Variants in PHLDB2 observed in about 807,000 individuals in gnomAD.
PHLDB2 encodes the protein pleckstrin homology like domain family B member 2, also known as pleckstrin homology-like domain family B member 2.
A neutral mutation model predicts 123.6 loss-of-function variants in PHLDB2; 71 were observed. The observed-to-expected ratio is 0.57, with a 90% CI of 0.47 to 0.70. PHLDB2 has a LOEUF of 0.70. PHLDB2 is among the 30% of genes least tolerant of loss of function. PHLDB2 has a pLI of 0.00. For synonymous variants in PHLDB2, 547 were observed against 541.6 expected (o/e 1.01, Z -0.14); for missense variants, 1,446 against 1,519.5 (o/e 0.95, Z 0.80).
chr3:111,958,463 C>A (rs1422310980), intron 12 of PHLDB2, among the ~76,000 whole-genome samples: 1 of 152,140 alleles, frequency 6.6e-6, no homozygotes, highest in Admixed American at 6.5e-5. Context: ...ATTGTGTAAT[C>A]GTTAACTCAC....
At chr3:111,962,384 A>G (rs779152934) in intron 13 of PHLDB2, 72 bp downstream of exon 13, 55 of 1,470,514 alleles carry the variant, frequency 3.7e-5, no homozygotes, top group Non-Finnish European at 4.8e-5. Context: ...AAAGCCATCA[A>G]TTTGGGAACT....
intron 1 of PHLDB2, among the ~76,000 whole-genome samples, chr3:111,805,601 T>G (rs966262790): frequency 6.7e-6 from 1 of 149,336 alleles, no homozygotes; most frequent in Non-Finnish European, 1.5e-5. Context: ...TGCAACAACA[T>G]GGATGGGTCT....
At position 111,895,128 on chromosome 3, in the gene PHLDB2, AAGG is replaced by A. The variant is rs1357816430; in HGVS notation, c.1335+9718_1335+9720del. On this transcript the variant is annotated intron_variant, in intron 2 of 17. Coordinates refer to ENST00000431670, the MANE Select transcript of PHLDB2 (RefSeq NM_001134438.2). ...GAGAGATGGGCAGAAAAGCAGTGAG[AAGG>A]AAAAATTAGCATTTGGCAATAATCT... 2.0e-5 allele frequency among the ~76,000 whole-genome samples: 3 copies of A among 152,234 alleles called. No individual in the cohort carries two copies. In the East Asian group the frequency reaches 5.8e-4, roughly 29 times the overall value.
intron 17 of PHLDB2, among the ~76,000 whole-genome samples, chr3:111,974,071 C>G (rs995049210): frequency 6.6e-6 from 1 of 152,108 alleles, no homozygotes; most frequent in Non-Finnish European, 1.5e-5. Context: ...TGCCAGGGTT[C>G]TAAAAAGAAG....
At chr3:111,912,199 C>G (rs998320199) in intron 2 of PHLDB2, among the ~76,000 whole-genome samples, 1 of 152,112 alleles carries the variant, frequency 6.6e-6, no homozygotes, top group Non-Finnish European at 1.5e-5. Flanking sequence ...CTACCTCAAG[C>G]AATGCTGTCT....
At chr3:111,766,606 C>A (rs1178388749) in intron 1 of PHLDB2, among the ~76,000 whole-genome samples, 1 of 152,092 alleles carries the variant, frequency 6.6e-6, no homozygotes, top group African/African-American at 2.4e-5. Context: ...TAGAATATTC[C>A]AGCCTGGACA....
intron 1 of PHLDB2, among the ~76,000 whole-genome samples, chr3:111,797,808 C>T (rs1036036003): frequency 3.3e-5 from 5 of 152,082 alleles, no homozygotes; most frequent in African/African-American, 4.8e-5. Flanking sequence ...AGTGATTTGC[C>T]GAAAGCTACG....
intron 1 of PHLDB2, among the ~76,000 whole-genome samples, chr3:111,744,979 T>G (rs2059659829): frequency 6.6e-6 from 1 of 152,172 alleles, no homozygotes; most frequent in Admixed American, 6.6e-5. Flanking sequence ...GCAAACTAGC[T>G]CCATGGCTTT....
rs891052073 is a variant in PHLDB2, at chr3:111,948,832, T to C, written c.2488-100T>C. Reference sequence around the variant, plus strand: ...TGATAATACCACAGATATCTGGCTGTGCCGCTCTAAGCTAACTTCATTGTA... The same window carrying C: ...TGATAATACCACAGATATCTGGCTGCGCCGCTCTAAGCTAACTTCATTGTA... On this transcript the variant is annotated intron_variant, in intron 9 of 17. Coordinates refer to ENST00000431670, the MANE Select transcript of PHLDB2 (RefSeq NM_001134438.2). 7 of 1,106,624 alleles carry C rather than the reference T, an allele frequency of 6.3e-6. No individual in the cohort carries two copies. In the African/African-American group the frequency reaches 9.2e-5, roughly 15 times the overall value. 68.6% of individuals were successfully genotyped at this position (1,106,624 alleles called of 1,614,324 possible).
chr3:111,779,730 G>A lies in PHLDB2; in HGVS notation c.-49+47027G>A, dbSNP rs543262361. ...CCACATTTTTGCTCTTGTGAATGGC[G>A]TTAAGATGAACATACAGGTGCATAT... is the stretch of plus-strand genomic sequence containing the variant. On this transcript the variant is annotated intron_variant, in intron 1 of 17. Coordinates refer to the PHLDB2 transcript ENST00000393923. The A allele has an allele frequency of 2.3e-5, 11 of 485,068 alleles. No homozygotes were observed. The South Asian group carries it at 2.7e-4, about 12-fold the overall frequency. 30.0% of individuals were successfully genotyped at this position (485,068 alleles called of 1,614,324 possible).
intron 1 of PHLDB2, among the ~76,000 whole-genome samples, chr3:111,792,359 A>C (rs1331219209): frequency 2.0e-5 from 3 of 152,208 alleles, no homozygotes; most frequent in Non-Finnish European, 4.4e-5. Flanking sequence ...CTCAGATAGG[A>C]GGGAGGCATA....
At chr3:111,936,506 C>T (rs1045061614) in intron 6 of PHLDB2, among the ~76,000 whole-genome samples, 3 of 152,144 alleles carry the variant, frequency 2.0e-5, no homozygotes, top group African/African-American at 7.2e-5. Context: ...TATATACACA[C>T]ATTTTGATGG....
chr3:111,807,500 T>C (rs1559841887), intron 1 of PHLDB2, among the ~76,000 whole-genome samples: 1 of 152,152 alleles, frequency 6.6e-6, no homozygotes. Flanking sequence ...GGAGGATTGC[T>C]TGGGGCCAGG....
intron 1 of PHLDB2, among the ~76,000 whole-genome samples, chr3:111,822,896 A>AAT (rs2062473053): frequency 6.6e-6 from 1 of 152,090 alleles, no homozygotes; most frequent in Admixed American, 6.6e-5. Context: ...CGGAAAAAAA[A>AAT]ATATGCACAT....
At chr3:111,756,255 G>A (rs1436500966) in intron 1 of PHLDB2, among the ~76,000 whole-genome samples, 2 of 151,738 alleles carry the variant, frequency 1.3e-5, no homozygotes, top group Non-Finnish European at 2.9e-5. Flanking sequence ...ACAGTGGGGT[G>A]TTAAAGTCTC....
At chr3:111,948,246 C>T (rs1227496791) in intron 9 of PHLDB2, among the ~76,000 whole-genome samples, 6 of 149,410 alleles carry the variant, frequency 4.0e-5, no homozygotes, top group Admixed American at 3.3e-4. Flanking sequence ...CTTAGGACTC[C>T]GTGTGTGTGT....
intron 1 of PHLDB2, among the ~76,000 whole-genome samples, chr3:111,843,123 G>A (rs2063769718): frequency 1.3e-5 from 2 of 152,140 alleles, no homozygotes; most frequent in Non-Finnish European, 2.9e-5. Context: ...ACGTAGGAGT[G>A]GAATTTCTGG....
chr3:111,831,388 C>T (rs889354803), intron 1 of PHLDB2, among the ~76,000 whole-genome samples: 1 of 152,142 alleles, frequency 6.6e-6, no homozygotes, highest in African/African-American at 2.4e-5. Context: ...TTGCCCAAAG[C>T]ATTTTAAAGT....
At chr3:111,828,253 A>C (rs778770854) in intron 1 of PHLDB2, among the ~76,000 whole-genome samples, 1 of 152,188 alleles carries the variant, frequency 6.6e-6, no homozygotes, top group African/African-American at 2.4e-5. Flanking sequence ...CTGAAGTCCA[A>C]CTGCTTTGTA....
Sources: allele counts gnomAD v4.1 joint callset (sites outside exome capture counted in the v4.1 genomes callset), GRCh38; gene constraint gnomAD v4.1.1; transcripts MANE v1.5; gene names NCBI Gene and HGNC (gene_info 2026-07-23, HGNC 2026-07-21).